CFH: variants seen among roughly 807,000 people sequenced by gnomAD.
CFH encodes complement factor H, also known as H factor 1 (complement).
CFH carries 53 observed loss-of-function variants against 147.3 expected under a neutral mutation model. The observed-to-expected ratio is 0.36, with a 90% CI of 0.29 to 0.45. The LOEUF is 0.45. CFH is among the 20% of genes least tolerant of loss of function. The pLI, the probability that CFH is intolerant of heterozygous loss-of-function variation, is 1.00. For missense variants in CFH, 1,380 were observed against 1,498.0 expected, an observed-to-expected ratio of 0.92 and a Z score of 1.30; for synonymous variants, 536 against 489.4, an observed-to-expected ratio of 1.10 and a Z score of -1.26.
Position 196,690,178 on chromosome 1 carries a change from G to T in CFH, c.1275G>T (p.Ala425=), listed in dbSNP as rs545227407. The part of the protein sequence containing the change: ...ACHPGYALPK[A]QTTVTCMENG... ...ATCCTGGCTACGCTCTTCCAAAAGC[G>T]CAGACCACAGTTACATGTATGGAGA... The change falls in exon 9 of 22, where the codon GCG becomes GCT. Residue 425 remains alanine, a synonymous_variant. Transcript: ENST00000367429. The T allele has an allele frequency of 2.3e-5, 37 of 1,613,360 alleles. No individual in the cohort carries two copies. Among genetic ancestry groups the T allele is most frequent in the Non-Finnish European group, 3.1e-5 (37 of 1,179,644 alleles).
At chr1:196,733,060 C>T (rs1404465735) in intron 15 of CFH, among the ~76,000 whole-genome samples, 4 of 151,972 alleles carry the variant, frequency 2.6e-5, no homozygotes. Context: ...GAGACGATCT[C>T]TTGAGTTGGA....
At chr1:196,661,925 C>G (rs556541956) in intron 1 of CFH, among the ~76,000 whole-genome samples, 7 of 152,066 alleles carry the variant, frequency 4.6e-5, no homozygotes, top group Non-Finnish European at 8.8e-5. Flanking sequence ...TAAATTGCCT[C>G]AAGGAATTGT....
intron 15 of CFH, among the ~76,000 whole-genome samples, chr1:196,735,323 ACACT>A (rs1669374901): frequency 2.0e-5 from 3 of 152,128 alleles, no homozygotes; most frequent in African/African-American, 7.2e-5. Flanking sequence ...ATATTTTGAA[ACACT>A]CAGTTTTTTA....
rs747978546 is a variant in CFH at position 196,673,112 on chromosome 1, G to A, written c.193G>A (p.Val65Ile). The change falls in exon 2 of 22, where the codon GTA becomes ATA. Residue 65 changes from valine (V) to isoleucine (I), a missense_variant. Coordinates refer to ENST00000367429, the MANE Select transcript of CFH (RefSeq NM_000186.4). ...GYRSLGNVIM[V>I]CRKGEWVALN... ...TAGATCTCTTGGAAATGTAATAATG[G>A]TATGCAGGAAGGGAGAATGGGTTGC... The A allele has an allele frequency of 1.9e-5, 31 of 1,613,746 alleles. No homozygotes were observed. The South Asian group carries it at 3.1e-4, about 16-fold the overall frequency.
chr1:196,657,733 T>C (rs1230662527), intron 1 of CFH, among the ~76,000 whole-genome samples: 1 of 152,230 alleles, frequency 6.6e-6, no homozygotes, highest in East Asian at 1.9e-4. Context: ...AACTTTGCTT[T>C]ATAATATATT....
chr1:196,721,155 T>G (rs191610900), intron 11 of CFH, among the ~76,000 whole-genome samples: 1 of 152,012 alleles, frequency 6.6e-6, no homozygotes, highest in Admixed American at 6.6e-5. Flanking sequence ...GATTATTATT[T>G]TTTTTTCTTG....
Position 196,745,984 on chromosome 1 carries a change from C to G in CFH, c.3478C>G (p.Pro1160Ala). 2 of 1,614,096 alleles carry G rather than the reference C, an allele frequency of 1.2e-6. No individual in the cohort carries two copies. The highest frequency in any genetic ancestry group is 1.7e-6 in the Non-Finnish European group (2 of 1,180,014). The part of the protein sequence containing the change: ...ITCRNGQWSE[P>A]PKCLHPCVIS... ...ATGTAGAAATGGACAATGGTCAGAA[C>G]CACCAAAATGCTTACGTAAGTACTT... Residue 1160 changes from proline (P) to alanine (A), a missense_variant, in exon 21 of 22, where the codon CCA (proline) becomes GCA (alanine). Physicochemically the swap from Pro to Ala is conservative, Grantham distance 27 (BLOSUM62 -1). This residue lies in a region of CFH where 123 missense variants were observed against 185.3 expected (regional missense o/e 0.66). Coordinates refer to ENST00000367429, the MANE Select transcript of CFH (RefSeq NM_000186.4).
chr1:196,737,188 C>T (rs1669426961), intron 16 of CFH, among the ~76,000 whole-genome samples, 182 bp downstream of exon 16: 1 of 152,032 alleles, frequency 6.6e-6, no homozygotes, highest in Non-Finnish European at 1.5e-5. Context: ...AAAATACAGC[C>T]AAAATCTTTG....
At chr1:196,705,645 G>A (rs1668568751) in intron 9 of CFH, among the ~76,000 whole-genome samples, 1 of 152,154 alleles carries the variant, frequency 6.6e-6, no homozygotes, top group Non-Finnish European at 1.5e-5. Context: ...ATATCATGAG[G>A]CCTGTAGCCT....
intron 9 of CFH, among the ~76,000 whole-genome samples, chr1:196,711,763 T>A (rs1668728058): frequency 6.6e-6 from 1 of 152,054 alleles, no homozygotes; most frequent in Admixed American, 6.6e-5. Context: ...TCTCCCTGTG[T>A]TGTGTGTGTG....
chr1:196,702,087 G>A (rs28664709), intron 9 of CFH, among the ~76,000 whole-genome samples: 98,344 of 151,888 alleles, frequency 0.65, 32,294 homozygotes, highest in East Asian at 0.95. Context: ...AGAAATTAAA[G>A]ACTGTTTGGA....
intron 7 of CFH, 23 bp from the exon 8 acceptor site, chr1:196,689,397 T>A (rs1280863684): frequency 6.2e-7 from 1 of 1,602,892 alleles, no homozygotes; most frequent in Admixed American, 1.7e-5. Flanking sequence ...TCTTTATACT[T>A]TTTTTAAAAT....
intron 1 of CFH, among the ~76,000 whole-genome samples, chr1:196,661,589 C>T (rs914594034): frequency 6.6e-6 from 1 of 152,182 alleles, no homozygotes; most frequent in Non-Finnish European, 1.5e-5. Context: ...TAAAGGCACA[C>T]ATCCCAAATC....
At chr1:196,679,848 A>C (rs1260494584) in intron 6 of CFH, 55 bp downstream of exon 6, 2 of 1,438,238 alleles carry the variant, frequency 1.4e-6, no homozygotes, top group Non-Finnish European at 1.9e-6. Flanking sequence ...ATTTTAATTA[A>C]TTCTTTTAAT....
At position 196,680,552 on chromosome 1, in the gene CFH, A is replaced by G. The variant is rs368904231; in HGVS notation, c.790+759A>G. On this transcript the variant is annotated intron_variant, in intron 6 of 21. Coordinates refer to ENST00000367429, the MANE Select transcript of CFH (RefSeq NM_000186.4). ...AGACGTACAGTAAGAAGCTACAGCT[A>G]TAGTGTGGTGATAACAGTTTTGAGA... 3.9e-5 allele frequency among the ~76,000 whole-genome samples: 6 copies of G among 151,938 alleles called. No homozygotes were observed. The East Asian group carries it at 9.6e-4, about 24-fold the overall frequency.
chr1:196,689,983 A>C (rs983316677), intron 8 of CFH, 80 bp from the exon 9 acceptor site: 89 of 1,381,510 alleles, frequency 6.4e-5, no homozygotes, highest in Non-Finnish European at 8.3e-5. Context: ...AAATATTGTA[A>C]AAATAATTGT....
At chr1:196,684,201 A>G (rs1667747642) in intron 6 of CFH, among the ~76,000 whole-genome samples, 1 of 151,966 alleles carries the variant, frequency 6.6e-6, no homozygotes, top group African/African-American at 2.4e-5. Flanking sequence ...CTTTGTGTAA[A>G]CAAAGTTTTA....
intron 16 of CFH, 77 bp downstream of exon 16, chr1:196,737,083 G>A (rs1255094708): frequency 3.1e-6 from 4 of 1,278,620 alleles, no homozygotes; most frequent in Non-Finnish European, 4.5e-6. Flanking sequence ...GTAAACAAGA[G>A]AGAAGTTCTT....
At position 196,658,516 on chromosome 1, in the gene CFH, A is replaced by G. The variant is rs1179132946; in HGVS notation, c.58+6341A>G. Among the ~76,000 whole-genome samples, 8 of 145,460 alleles carry G rather than the reference A, an allele frequency of 5.5e-5. No homozygotes were observed. In the Admixed American group the frequency reaches 5.8e-4, roughly 10 times the overall value. On this transcript the variant is annotated intron_variant, in intron 1 of 21. Coordinates refer to ENST00000367429, the MANE Select transcript of CFH (RefSeq NM_000186.4). ...AAGCTCCGCCTCCCGGGTTCACGCCATTCTCCTGCCTCAGCCTCCCGAGTA... is the reference window on the plus strand; with the variant it reads ...AAGCTCCGCCTCCCGGGTTCACGCCGTTCTCCTGCCTCAGCCTCCCGAGTA...
Sources: allele counts gnomAD v4.1 joint callset (sites outside exome capture counted in the v4.1 genomes callset), GRCh38; gene constraint gnomAD v4.1.1; regional missense constraint gnomAD v4.1.1; transcripts MANE v1.5; gene names NCBI Gene and HGNC (gene_info 2026-07-23, HGNC 2026-07-21).